TOR1B: variants seen among roughly 807,000 people sequenced by gnomAD.
TOR1B encodes torsin-1B.
TOR1B carries 14 observed loss-of-function variants against 29.2 expected under a neutral mutation model. The ratio of observed to expected loss-of-function variants is 0.48; its 90% CI spans 0.32 to 0.75. The LOEUF (loss-of-function observed/expected upper bound fraction) is 0.75, where lower values mean the gene tolerates loss of function less well. Ranked by LOEUF, TOR1B falls within the 30% of genes least tolerant of loss-of-function variation. TOR1B has a pLI of 0.04. For missense variants in TOR1B, 400 were observed against 433.9 expected, an observed-to-expected ratio of 0.92 and a Z score of 0.69; for synonymous variants, 166 against 179.8, an observed-to-expected ratio of 0.92 and a Z score of 0.62.
intron 1 of TOR1B, among the ~76,000 whole-genome samples, chr9:129,803,694 G>C (rs2030300383): frequency 6.6e-6 from 1 of 152,246 alleles, no homozygotes; most frequent in African/African-American, 2.4e-5. Flanking sequence ...ACGGAAAGTA[G>C]GCGGGCGGCC....
intron 2 of TOR1B, 116 bp from the exon 3 acceptor site, chr9:129,807,072 C>A: frequency 1.0e-6 from 1 of 959,970 alleles, no homozygotes; most frequent in Non-Finnish European, 1.6e-6. Context: ...GGTGAGGGTG[C>A]CATTCTAAGA....
chr9:129,804,467 A>G (rs1049705599), intron 2 of TOR1B, 129 bp downstream of exon 2: 12 of 1,193,608 alleles, frequency 1.0e-5, no homozygotes, highest in Admixed American at 4.4e-5. Context: ...GAGTTAAGGC[A>G]CACTTAGTCC....
At chr9:129,807,845 CAAA>C (rs34329009) in intron 3 of TOR1B, among the ~76,000 whole-genome samples, 38 of 103,332 alleles carry the variant, frequency 3.7e-4, no homozygotes, top group Admixed American at 6.2e-4. Flanking sequence ...GACTCTGTCT[CAAA>C]AAAAAAAAAA....
At position 129,804,064 on chromosome 9, in the gene TOR1B, T is replaced by G. The variant is rs992782788; in HGVS notation, c.200-9T>G. ...TGTTTCTCTCTTTGTTCTGGGGCTG[T>G]TCTTGCAGCTCTCAAGCTGGATTTG... On this transcript the variant is annotated splice_polypyrimidine_tract_variant and intron_variant, in intron 1 of 4. Coordinates refer to ENST00000259339, the MANE Select transcript of TOR1B (RefSeq NM_014506.3). 1 of 1,613,716 alleles carries G rather than the reference T, an allele frequency of 6.2e-7. No individual in the cohort carries two copies. Among genetic ancestry groups the G allele is most frequent in the African/African-American group, 1.3e-5 (1 of 74,886 alleles).
intron 3 of TOR1B, among the ~76,000 whole-genome samples, chr9:129,807,797 G>T (rs2030588084): frequency 1.3e-5 from 2 of 150,006 alleles, no homozygotes; most frequent in Admixed American, 1.3e-4. Flanking sequence ...AGTGAGCCGG[G>T]ATCACACCAC....
In TOR1B at chr9:129,807,355, C is replaced by G. The variant is rs1312594906; in HGVS notation, c.633C>G (p.Ile211Met). 1.2e-6 allele frequency: 2 copies of G among 1,614,004 alleles called. No homozygotes were observed. Among genetic ancestry groups the G allele is most frequent in the South Asian group, 2.2e-5 (2 of 91,054 alleles). ...DGVSYRKAIF[I>M]FLSNAGGDLI... ...TGTCTTACCGCAAAGCCATCTTCAT[C>G]TTTCTCAGGTCAGCGGGAGGCGGTT... The change falls in exon 3 of 5, where the codon ATC becomes ATG. Residue 211 changes from isoleucine (I) to methionine (M), a missense_variant. Coordinates refer to ENST00000259339, the MANE Select transcript of TOR1B (RefSeq NM_014506.3).
rs2030774925 is a variant in TOR1B at position 129,810,323 on chromosome 9, A to T, written c.*740A>T. 1 of 1,266,630 alleles carries T rather than the reference A, an allele frequency of 7.9e-7. No homozygotes were observed. 78.5% of individuals were successfully genotyped at this position (1,266,630 alleles called of 1,614,324 possible). ...TGGCCGTGCCCGCCGAGCACTCTTG[A>T]TCTGAGCTGACCTGTGTGTGTGTGT... is the stretch of plus-strand genomic sequence containing the variant. On this transcript the variant is annotated 3_prime_UTR_variant, in exon 5 of 5. Transcript: ENST00000259339.
chr9:129,805,230 G>A (rs949530501), intron 2 of TOR1B, among the ~76,000 whole-genome samples: 6 of 152,112 alleles, frequency 3.9e-5, no homozygotes, highest in East Asian at 3.9e-4. Flanking sequence ...CAAGGCGGGC[G>A]GATCACCTGA....
At chr9:129,804,483 G>C (rs887936257) in intron 2 of TOR1B, 145 bp downstream of exon 2, 2 of 1,003,308 alleles carry the variant, frequency 2.0e-6, no homozygotes, top group African/African-American at 1.6e-5. Flanking sequence ...AGTCCAGGTA[G>C]TTACAAAGCT....
Position 129,810,220 on chromosome 9 carries a change from TAC to T in TOR1B, c.*641_*642del, listed in dbSNP as rs1412039185. On this transcript the variant is annotated 3_prime_UTR_variant, in exon 5 of 5. Coordinates refer to ENST00000259339, the MANE Select transcript of TOR1B (RefSeq NM_014506.3). ...CATCCTTTTGCTCTGTCTCGTTCTTTACACAGAGTTCACTGACTTGAAGTATA... is the reference window on the plus strand; with the variant it reads ...CATCCTTTTGCTCTGTCTCGTTCTTTACAGAGTTCACTGACTTGAAGTATA... 16 of 1,304,128 alleles carry T rather than the reference TAC, an allele frequency of 1.2e-5. No individual in the cohort carries two copies. In the East Asian group the frequency reaches 1.7e-4, roughly 14 times the overall value. The allele number at this position is 1,304,128 out of a possible 1,614,324, so 80.8% of individuals were successfully genotyped here. A position where few individuals can be genotyped will look rare whatever the true frequency, so the allele number is the denominator to read the frequency against.
chr9:129,804,972 A>G (rs1407200165), intron 2 of TOR1B, among the ~76,000 whole-genome samples: 1 of 149,550 alleles, frequency 6.7e-6, no homozygotes, highest in Non-Finnish European at 1.5e-5. Context: ...CCCCGTCTCT[A>G]CTAAAAATAC....
chr9:129,808,556 T>C (rs1043005740), intron 3 of TOR1B, among the ~76,000 whole-genome samples: 13 of 149,772 alleles, frequency 8.7e-5, no homozygotes, highest in Admixed American at 4.6e-4. Flanking sequence ...TTTTTTTTTT[T>C]TTTTTTTTTT....
chr9:129,804,383 G>C (rs1359491379), intron 2 of TOR1B, 45 bp downstream of exon 2: 3 of 1,596,168 alleles, frequency 1.9e-6, no homozygotes, highest in Non-Finnish European at 2.6e-6. Context: ...AGTCGGACTG[G>C]TCCGGGTGAC....
chr9:129,810,303 G>T lies in TOR1B; in HGVS notation c.*720G>T. ...CGGTGTCTGACCGGAGGATGTGGCC[G>T]TGCCCGCCGAGCACTCTTGATCTGA... On this transcript the variant is annotated 3_prime_UTR_variant, in exon 5 of 5. Coordinates refer to ENST00000259339, the MANE Select transcript of TOR1B (RefSeq NM_014506.3). 1.5e-6 allele frequency: 2 copies of T among 1,301,804 alleles called. No homozygotes were observed. The highest frequency in any genetic ancestry group is 2.0e-6 in the Non-Finnish European group (2 of 988,358). 80.6% of individuals were successfully genotyped at this position (1,301,804 alleles called of 1,614,324 possible). A position where few individuals can be genotyped will look rare whatever the true frequency, so the allele number is the denominator to read the frequency against.
At chr9:129,805,946 C>T (rs2030452976) in intron 2 of TOR1B, among the ~76,000 whole-genome samples, 1 of 152,054 alleles carries the variant, frequency 6.6e-6, no homozygotes, top group African/African-American at 2.4e-5. Context: ...CATAGCAAGA[C>T]TCCATCTCTA....
chr9:129,808,527 G>C (rs2030632886), intron 3 of TOR1B, among the ~76,000 whole-genome samples: 1 of 148,406 alleles, frequency 6.7e-6, no homozygotes, highest in Admixed American at 6.7e-5. Flanking sequence ...TTCATTTCTT[G>C]GTAAGACACA....
intron 2 of TOR1B, among the ~76,000 whole-genome samples, chr9:129,805,457 G>T (rs2030428130): frequency 6.6e-6 from 1 of 152,046 alleles, no homozygotes; most frequent in Non-Finnish European, 1.5e-5. Flanking sequence ...GGAGCCTGGA[G>T]CCCAGAGGCA....
Position 129,807,215 on chromosome 9 carries a change from A to T in TOR1B, c.493A>T (p.Asn165Tyr). The T allele has an allele frequency of 6.2e-7, 1 of 1,614,116 alleles. No homozygotes were observed. The highest frequency in any genetic ancestry group is 8.5e-7 in the Non-Finnish European group (1 of 1,180,022). Residue 165 changes from asparagine to tyrosine, a missense_variant, in exon 3 of 5, where the codon AAT (asparagine) becomes TAT (tyrosine). Transcript: ENST00000259339. ...QDQLQKWIRG[N>Y]VSACANSVFI... ...CCAGTTACAGAAGTGGATCCGCGGT[A>T]ATGTGAGTGCATGTGCGAACTCTGT...
In TOR1B at chr9:129,810,344, T is replaced by TGGG. The variant is rs200600696; in HGVS notation, c.*762_*763insGGG. On this transcript the variant is annotated 3_prime_UTR_variant, in exon 5 of 5. Transcript: ENST00000259339. ...CTTGATCTGAGCTGACCTGTGTGTG[T>TGGG]GTGTGTGGGGGGGTGGGGCCTTCAC... is the stretch of plus-strand genomic sequence containing the variant. The TGGG allele has an allele frequency of 1.7e-3, 1,517 of 900,538 alleles. 45 individuals are homozygous for TGGG. The African/African-American group carries it at 0.033, about 19-fold the overall frequency. 55.8% of individuals were successfully genotyped at this position (900,538 alleles called of 1,614,324 possible). A position where few individuals can be genotyped will look rare whatever the true frequency, so the allele number is the denominator to read the frequency against.
Sources: allele counts gnomAD v4.1 joint callset (sites outside exome capture counted in the v4.1 genomes callset), GRCh38; gene constraint gnomAD v4.1.1; transcripts MANE v1.5; gene names NCBI Gene and HGNC (gene_info 2026-07-23, HGNC 2026-07-21).